The following SPOCK1 variants were observed in gnomAD, a reference collection of about 807,000 sequenced individuals.
The protein encoded by SPOCK1 is testican-1.
A neutral mutation model predicts 55.3 loss-of-function variants in SPOCK1; 23 were observed. The observed-to-expected ratio is 0.42, with a 90% confidence interval of 0.30 to 0.59. The LOEUF (loss-of-function observed/expected upper bound fraction) is 0.59. Among genes scored for constraint, SPOCK1 ranks in the 20% least tolerant of loss-of-function variants. SPOCK1 has a pLI of 0.22. For synonymous variants in SPOCK1, 226 were observed against 221.0 expected (o/e 1.02, Z -0.20); for missense variants, 499 against 552.5 (o/e 0.90, Z 0.97).
chr5:137,071,014 A>G (rs1752602132), intron 5 of SPOCK1, among the ~76,000 whole-genome samples: 1 of 123,386 alleles, frequency 8.1e-6, no homozygotes. Flanking sequence ...TCAAAAGGCC[A>G]ATTTCTTTTT....
At chr5:136,987,077 T>C (rs964833157) in intron 8 of SPOCK1, among the ~76,000 whole-genome samples, 3 of 151,976 alleles carry the variant, frequency 2.0e-5, no homozygotes, top group Non-Finnish European at 2.9e-5. Context: ...ATATAGCAAC[T>C]GGATGACCAT....
At chr5:137,445,506 T>C (rs996528972) in intron 2 of SPOCK1, among the ~76,000 whole-genome samples, 2 of 152,122 alleles carry the variant, frequency 1.3e-5, no homozygotes, top group Non-Finnish European at 2.9e-5. Context: ...CAAGAAGTAA[T>C]GTACAAGGTC....
At chr5:137,422,430 C>T (rs918424235) in intron 2 of SPOCK1, among the ~76,000 whole-genome samples, 4 of 152,234 alleles carry the variant, frequency 2.6e-5, no homozygotes, top group Non-Finnish European at 5.9e-5. Context: ...ACCAATCAGA[C>T]GTAGATTTGA....
chr5:137,188,193 C>T (rs1755110471), intron 3 of SPOCK1, among the ~76,000 whole-genome samples: 1 of 152,208 alleles, frequency 6.6e-6, no homozygotes, highest in Non-Finnish European at 1.5e-5. Flanking sequence ...CCATTCTTCC[C>T]TATCTTACAC....
intron 6 of SPOCK1, among the ~76,000 whole-genome samples, chr5:137,032,363 C>A (rs1025412491): frequency 1.3e-5 from 2 of 152,144 alleles, no homozygotes; most frequent in African/African-American, 2.4e-5. Context: ...ATCATTTTCA[C>A]AGGACAATGA....
rs746785953 is a variant in SPOCK1 at position 137,140,565 on chromosome 5, G to A, written c.347+15C>T. On this transcript the variant is annotated intron_variant, in intron 4 of 10. Transcript: ENST00000394945. Reference sequence around the variant, plus strand: ...AATGCCTCCCAGCCCCCAGCCCCCGGCCTTCCTGCCTTACCTGGGGAGCAG... The same window carrying A: ...AATGCCTCCCAGCCCCCAGCCCCCGACCTTCCTGCCTTACCTGGGGAGCAG... 6.2e-7 allele frequency: 1 copy of A among 1,606,518 alleles called. No individual in the cohort carries two copies. The highest frequency in any genetic ancestry group is 8.5e-7 in the Non-Finnish European group (1 of 1,176,292).
At chr5:137,225,652 G>C (rs1022035971) in intron 3 of SPOCK1, among the ~76,000 whole-genome samples, 2 of 152,204 alleles carry the variant, frequency 1.3e-5, no homozygotes, top group African/African-American at 4.8e-5. Flanking sequence ...TTCTCCACTT[G>C]AGCATCCTTT....
chr5:137,447,852 T>C (rs1300846456), intron 2 of SPOCK1, among the ~76,000 whole-genome samples: 1 of 152,222 alleles, frequency 6.6e-6, no homozygotes, highest in Non-Finnish European at 1.5e-5. Context: ...AGGTAGGTGA[T>C]ATAATCCGGC....
intron 6 of SPOCK1, among the ~76,000 whole-genome samples, chr5:137,041,401 CTA>C (rs1561588413): frequency 6.6e-6 from 1 of 152,096 alleles, no homozygotes; most frequent in Non-Finnish European, 1.5e-5. Context: ...GGAAAAAAAT[CTA>C]TGTGATCTTG....
intron 5 of SPOCK1, among the ~76,000 whole-genome samples, chr5:137,090,549 A>C (rs1448789779): frequency 3.9e-5 from 6 of 152,326 alleles, no homozygotes; most frequent in East Asian, 1.9e-4. Context: ...GGACAAGGCT[A>C]TGTCCAGCCA....
intron 2 of SPOCK1, among the ~76,000 whole-genome samples, chr5:137,357,768 T>A (rs1750849390): frequency 6.6e-6 from 1 of 152,182 alleles, no homozygotes; most frequent in African/African-American, 2.4e-5. Context: ...TCTCATACAA[T>A]CTTTGTGAAG....
intron 5 of SPOCK1, among the ~76,000 whole-genome samples, chr5:137,069,905 C>T (rs952867441): frequency 2.6e-5 from 4 of 152,104 alleles, no homozygotes; most frequent in African/African-American, 4.8e-5. Context: ...TGTTACTGCC[C>T]GATTGTATCT....
At chr5:136,993,485 C>T (rs1580697987) in intron 6 of SPOCK1, among the ~76,000 whole-genome samples, 1 of 152,120 alleles carries the variant, frequency 6.6e-6, no homozygotes, top group Admixed American at 6.5e-5. Context: ...TAGGCTGCTA[C>T]CAAGACCTAG....
intron 7 of SPOCK1, among the ~76,000 whole-genome samples, chr5:136,991,828 T>C (rs567371383): frequency 6.6e-6 from 1 of 152,296 alleles, no homozygotes; most frequent in East Asian, 1.9e-4. Context: ...CTGCAGCTTA[T>C]GACAAAACTG....
intron 2 of SPOCK1, among the ~76,000 whole-genome samples, chr5:137,396,243 C>T (rs900797786): frequency 5.3e-5 from 8 of 152,224 alleles, no homozygotes; most frequent in South Asian, 2.1e-4. Flanking sequence ...TATTTCTTAA[C>T]GAGAAGTAAC....
intron 6 of SPOCK1, among the ~76,000 whole-genome samples, chr5:136,998,116 T>C (rs1406364120): frequency 1.3e-5 from 2 of 152,226 alleles, no homozygotes; most frequent in East Asian, 3.9e-4. Context: ...ACTCAATAAA[T>C]TTATGTTCCC....
chr5:137,324,792 GA>G (rs11294825), intron 2 of SPOCK1, among the ~76,000 whole-genome samples: 8,997 of 140,530 alleles, frequency 0.064, 512 homozygotes, highest in African/African-American at 0.16. Flanking sequence ...CCACAATTAG[GA>G]AAAAAAAAAA....
chr5:137,312,175 A>G (rs1289626027), intron 2 of SPOCK1, among the ~76,000 whole-genome samples: 2 of 152,178 alleles, frequency 1.3e-5, no homozygotes, highest in Non-Finnish European at 2.9e-5. Context: ...CCCCTAGGGG[A>G]TGGCTCAATA....
chr5:137,245,838 A>C (rs1446618756), intron 3 of SPOCK1, among the ~76,000 whole-genome samples: 2 of 152,224 alleles, frequency 1.3e-5, no homozygotes, highest in African/African-American at 4.8e-5. Flanking sequence ...TCCATGATTA[A>C]ATAAGTTTGG....
Sources: gnomAD v4.1 joint callset for allele counts (sites outside exome capture counted in the v4.1 genomes callset) on GRCh38, gnomAD v4.1.1 for gene constraint, MANE v1.5 for transcripts, NCBI Gene and HGNC (gene_info 2026-07-23, HGNC 2026-07-21) for gene names.